BPI: variants seen among roughly 807,000 people sequenced by gnomAD.
BPI encodes the protein bactericidal permeability increasing protein.
BPI carries 48 observed loss-of-function variants against 57.6 expected under a neutral mutation model. The observed-to-expected ratio is 0.83, with a 90% CI of 0.66 to 1.06. BPI has a LOEUF of 1.06. BPI is among the 50% of genes least tolerant of loss of function. The pLI is 0.00. For missense variants in BPI, 651 were observed against 609.7 expected (o/e 1.07, Z -0.71); for synonymous variants, 237 against 238.2 (o/e 0.99, Z 0.05).
intron 6 of BPI, among the ~76,000 whole-genome samples, 189 bp downstream of exon 6, chr20:38,318,665 TGAG>T (rs1395615946): frequency 6.6e-6 from 1 of 151,548 alleles, no homozygotes; most frequent in Non-Finnish European, 1.5e-5. Context: ...GGTCCAGAAG[TGAG>T]GAGGACAAAC....
chr20:38,315,078 T>A (rs971878385), intron 5 of BPI, among the ~76,000 whole-genome samples: 1 of 152,268 alleles, frequency 6.6e-6, no homozygotes, highest in African/African-American at 2.4e-5. Context: ...GATCTGACAC[T>A]ATGCTAAGAA....
intron 2 of BPI, among the ~76,000 whole-genome samples, chr20:38,308,642 A>G (rs1276715283): frequency 6.6e-6 from 1 of 152,216 alleles, no homozygotes; most frequent in Non-Finnish European, 1.5e-5. Context: ...CACTGTGCCC[A>G]TTTTACAGAT....
In BPI at chr20:38,313,929, G is replaced by A. The variant is rs143394606; in HGVS notation, c.600+1992G>A. ...TTCTGAGGATGATAATGATGATGGC[G>A]ATGATGGTGATGATGGTGATGGTGA... On this transcript the variant is annotated intron_variant, in intron 5 of 14. Coordinates refer to ENST00000642449, the MANE Select transcript of BPI (RefSeq NM_001725.3). 1.9e-3 allele frequency among the ~76,000 whole-genome samples: 281 copies of A among 151,510 alleles called. 1 individual carries two copies. The highest frequency in any genetic ancestry group is 5.9e-3 in the African/African-American group (245 of 41,440).
At chr20:38,317,526 A>C (rs527417183) in intron 5 of BPI, 12 of 634,464 alleles carry the variant, frequency 1.9e-5, no homozygotes, top group Non-Finnish European at 3.5e-5. Context: ...TGGTCTCTCC[A>C]CAGGGCTTGG....
chr20:38,305,404 G>C (rs988060180), intron 1 of BPI, among the ~76,000 whole-genome samples: 1 of 152,130 alleles, frequency 6.6e-6, no homozygotes, highest in Non-Finnish European at 1.5e-5. Context: ...TGTGCCAATC[G>C]GAGTGAGTTT....
rs776005510 is a variant in BPI, at chr20:38,304,305, G to A, written c.82G>A (p.Val28Ile). 19 of 1,614,014 alleles carry A rather than the reference G, an allele frequency of 1.2e-5. No individual in the cohort carries two copies. Among genetic ancestry groups the A allele is most frequent in the South Asian group, 2.2e-5 (2 of 91,082 alleles). Residue 28 changes from valine to isoleucine, a missense_variant, in exon 1 of 15, where the codon GTC (valine) becomes ATC (isoleucine). By Grantham distance (29) the Val-to-Ile change is conservative. Transcript: ENST00000642449. ...CATAGGCACCGCCGTGACAGCGGCC[G>A]TCAACCCTGGCGTCGTGGTCAGGAT... Reference protein sequence around the residue: ...VAIGTAVTAAVNPGVVVRISQ... With the variant: ...VAIGTAVTAAINPGVVVRISQ...
intron 7 of BPI, among the ~76,000 whole-genome samples, chr20:38,320,616 T>G (rs2076676706): frequency 6.7e-6 from 1 of 148,670 alleles, no homozygotes; most frequent in South Asian, 2.1e-4. Flanking sequence ...CCACTCTCGC[T>G]GAAATAGCTC....
At chr20:38,321,238 TGGGTAGATGGGTGG>T (rs2076683907) in intron 7 of BPI, among the ~76,000 whole-genome samples, 1 of 70,790 alleles carries the variant, frequency 1.4e-5, no homozygotes, top group Admixed American at 2.0e-4. Flanking sequence ...GATGGGTGGG[TGGGTAGATGGGTGG>T]GGGTAGATGG....
At chr20:38,323,825 A>AT in intron 7 of BPI, 45 bp from the exon 8 acceptor site, 1 of 1,583,334 alleles carries the variant, frequency 6.3e-7, no homozygotes, top group Non-Finnish European at 8.6e-7. Context: ...TTGACTTATA[A>AT]TTCCTGAAGA....
Position 38,310,554 on chromosome 20 carries a change from G to A in BPI, c.438G>A (p.Leu146=). Residue 146 remains leucine (L), a synonymous_variant, in exon 4 of 15, where the codon CTG becomes CTA. Coordinates refer to ENST00000642449, the MANE Select transcript of BPI (RefSeq NM_001725.3). ...EGMSISADLK[L]GSNPTSGKPT... Reference sequence around the variant, plus strand: ...TGTCCATTTCGGCTGATCTGAAGCTGGGCAGTAACCCCACGTCAGGCAAGC... The same window carrying A: ...TGTCCATTTCGGCTGATCTGAAGCTAGGCAGTAACCCCACGTCAGGCAAGC... The A allele has an allele frequency of 6.2e-7, 1 of 1,614,148 alleles. No homozygotes were observed. The highest frequency in any genetic ancestry group is 8.5e-7 in the Non-Finnish European group (1 of 1,180,018).
At chr20:38,335,062 T>C (rs1354462961) in intron 13 of BPI, among the ~76,000 whole-genome samples, 1 of 152,148 alleles carries the variant, frequency 6.6e-6, no homozygotes, top group Non-Finnish European at 1.5e-5. Context: ...CAAATTATCA[T>C]ATGAAATATG....
chr20:38,334,009 A>G (rs1221311340), intron 12 of BPI, among the ~76,000 whole-genome samples: 1 of 151,620 alleles, frequency 6.6e-6, no homozygotes, highest in African/African-American at 2.4e-5. Context: ...AAGCCCAACC[A>G]GGCACACACA....
At chr20:38,325,992 CAG>C (rs1162558865) in intron 9 of BPI, among the ~76,000 whole-genome samples, 4 of 151,952 alleles carry the variant, frequency 2.6e-5, no homozygotes, top group Non-Finnish European at 5.9e-5. Context: ...CAATGGGGAA[CAG>C]AGAGTGCAAA....
chr20:38,326,242 A>G (rs1343640682), intron 9 of BPI, 23 bp from the exon 10 acceptor site: 1 of 1,594,556 alleles, frequency 6.3e-7, no homozygotes, highest in African/African-American at 1.3e-5. Flanking sequence ...CCTTTCGTTG[A>G]TTGTCTCCAC....
chr20:38,306,044 T>G (rs926891274), intron 1 of BPI, among the ~76,000 whole-genome samples: 3 of 152,182 alleles, frequency 2.0e-5, no homozygotes, highest in Non-Finnish European at 1.5e-5. Flanking sequence ...TTTTTTGTTT[T>G]GTTTTGAGAC....
intron 5 of BPI, among the ~76,000 whole-genome samples, chr20:38,313,028 C>A (rs2076628898): frequency 6.6e-6 from 1 of 152,168 alleles, no homozygotes; most frequent in Non-Finnish European, 1.5e-5. Flanking sequence ...CAGGGCTTAA[C>A]TAGCTGTGTA....
chr20:38,320,390 C>G lies in BPI; in HGVS notation c.756+116C>G, dbSNP rs576478922. On this transcript the variant is annotated intron_variant, in intron 7 of 14. Transcript: ENST00000642449. Reference sequence around the variant, plus strand: ...CCCCTACTTCCTATCTGACTCACCACCACCCTCTCTACTCTCCCCGCCTCT... The same window carrying G: ...CCCCTACTTCCTATCTGACTCACCAGCACCCTCTCTACTCTCCCCGCCTCT... 32 of 910,696 alleles carry G rather than the reference C, an allele frequency of 3.5e-5. No individual in the cohort carries two copies. The African/African-American group carries it at 4.9e-4, about 14-fold the overall frequency. 56.4% of individuals were successfully genotyped at this position (910,696 alleles called of 1,614,324 possible).
intron 10 of BPI, among the ~76,000 whole-genome samples, chr20:38,326,971 T>C (rs907084822): frequency 2.0e-5 from 3 of 152,252 alleles, no homozygotes; most frequent in African/African-American, 7.2e-5. Context: ...TTTGTTATTC[T>C]TCAATTCACA....
intron 1 of BPI, among the ~76,000 whole-genome samples, chr20:38,305,204 C>G (rs568814060): frequency 6.6e-6 from 1 of 151,590 alleles, no homozygotes; most frequent in African/African-American, 2.4e-5. Flanking sequence ...CCCTGAATTC[C>G]CACCCCAGCC....
Sources: allele counts gnomAD v4.1 joint callset (sites outside exome capture counted in the v4.1 genomes callset), GRCh38; gene constraint gnomAD v4.1.1; transcripts MANE v1.5; gene names NCBI Gene and HGNC (gene_info 2026-07-23, HGNC 2026-07-21).